Variants in TRPM2 observed in about 807,000 individuals in gnomAD.
TRPM2 encodes the protein estrogen-responsive element-associated gene 1 protein.
TRPM2 carries 161 observed loss-of-function variants against 174.0 expected under a neutral mutation model. That is an observed-to-expected ratio of 0.93 (90% CI 0.81 to 1.05). TRPM2 has a LOEUF of 1.05. Ranked by LOEUF, TRPM2 falls within the 50% of genes least tolerant of loss-of-function variation. The pLI is 0.00. For synonymous variants in TRPM2, 954 were observed against 861.3 expected (o/e 1.11, Z -1.88); for missense variants, 2,057 against 2,038.0 (o/e 1.01, Z -0.18).
Position 44,418,023 on chromosome 21 carries a change from GC to G in TRPM2, c.3249del (p.Phe1084SerfsTer16), listed in dbSNP as rs781655181. On this transcript the variant is annotated frameshift_variant, in exon 21 of 32. Transcript: ENST00000397928. LOFTEE classifies it high-confidence loss of function. ...EEYHGRPAAP[P>X]PFILLSHLQL... ...AGTACCACGGCCGCCCCGCCGCGCC[GC>G]CCCCCTTCATCCTCCTCAGCCACCT... is the stretch of plus-strand genomic sequence containing the variant. 7 of 1,612,776 alleles carry G rather than the reference GC, an allele frequency of 4.3e-6. No homozygotes were observed. The highest frequency in any genetic ancestry group is 5.9e-6 in the Non-Finnish European group (7 of 1,180,010).
rs1324196985 is a variant in TRPM2 at position 44,438,508 on chromosome 21, G to T, written c.4168-559G>T. Among the ~76,000 whole-genome samples the T allele has an allele frequency of 6.6e-6, 1 of 152,170 alleles. No individual in the cohort carries two copies. The highest frequency in any genetic ancestry group is 1.9e-4 in the East Asian group (1 of 5,186). On this transcript the variant is annotated intron_variant, in intron 29 of 31. Coordinates refer to ENST00000397928, the MANE Select transcript of TRPM2 (RefSeq NM_003307.4). This position sits in a 1 kb window ranked among gnomAD's most constrained non-coding sequence, Gnocchi z 5.9. ...TGCAAAGTCTTCATGAGAAACCCAC[G>T]GGTGTTTCAGTGGGACTTTGAATGA...
chr21:44,429,279 T>C (rs13049933), intron 27 of TRPM2, among the ~76,000 whole-genome samples: 1 of 19,298 alleles, frequency 5.2e-5, no homozygotes, highest in Admixed American at 4.7e-4. Flanking sequence ...TTTCTTTTTC[T>C]TTTTTTTTTT....
chr21:44,413,624 C>T (rs570403499), intron 19 of TRPM2, among the ~76,000 whole-genome samples: 2 of 152,314 alleles, frequency 1.3e-5, no homozygotes, highest in East Asian at 3.9e-4. Flanking sequence ...CCTGGCAGTG[C>T]CCTGGTGGGT....
Position 44,394,522 on chromosome 21 carries a change from C to T in TRPM2, c.1795-892C>T, listed in dbSNP as rs562047794. ...TTTTAGTAGAGATGGGGTTTCACTG[C>T]GTTAGCCAGGATGGTCTCGATCTCC... On this transcript the variant is annotated intron_variant, in intron 11 of 31. Transcript: ENST00000397928. Among the ~76,000 whole-genome samples, 275 of 151,408 alleles carry T rather than the reference C, an allele frequency of 1.8e-3. 1 individual carries two copies. The highest frequency in any genetic ancestry group is 6.9e-3 in the Middle Eastern group (2 of 290).
intron 28 of TRPM2, among the ~76,000 whole-genome samples, chr21:44,435,440 G>C (rs2051207017): frequency 6.6e-6 from 1 of 151,974 alleles, no homozygotes; most frequent in Non-Finnish European, 1.5e-5. Context: ...AAGATCCCAG[G>C]ACCCATCCCC....
rs1195312279 is a variant in TRPM2, at chr21:44,421,521, A to C, written c.3462-2124A>C. Reference sequence around the variant, plus strand: ...CACAGTGGCTCATGCTTGTAATCCCAACATTTTGGGAGGCTGAGGTGGGAG... The same window carrying C: ...CACAGTGGCTCATGCTTGTAATCCCCACATTTTGGGAGGCTGAGGTGGGAG... On this transcript the variant is annotated intron_variant, in intron 22 of 31. Coordinates refer to ENST00000397928, the MANE Select transcript of TRPM2 (RefSeq NM_003307.4). Among the ~76,000 whole-genome samples, 3 of 152,078 alleles carry C rather than the reference A, an allele frequency of 2.0e-5. No homozygotes were observed. In the East Asian group the frequency reaches 5.8e-4, roughly 29 times the overall value.
chr21:44,399,546 G>A lies in TRPM2; in HGVS notation c.2208+105G>A, dbSNP rs1445847658. ...GGCACGCACACTCACACAGGCTTCA[G>A]GGCCCTCAGCAGCTCGGGGACAGCG... On this transcript the variant is annotated intron_variant, in intron 14 of 31. Transcript: ENST00000397928. The surrounding 1 kb of genome is among the most constrained non-coding windows in gnomAD (Gnocchi z 4.6). 2 of 1,448,206 alleles carry A rather than the reference G, an allele frequency of 1.4e-6. No homozygotes were observed. The highest frequency in any genetic ancestry group is 1.4e-5 in the South Asian group (1 of 70,992). The allele number at this position is 1,448,206 out of a possible 1,614,324, so 89.7% of individuals were successfully genotyped here. A position where few individuals can be genotyped will look rare whatever the true frequency, so the allele number is the denominator to read the frequency against.
chr21:44,364,431 G>A (rs758174194), intron 3 of TRPM2, 149 bp downstream of exon 3: 110 of 933,604 alleles, frequency 1.2e-4, no homozygotes, highest in Admixed American at 2.1e-4. Flanking sequence ...GGGAAGCGGC[G>A]GGGAGGGGCT....
chr21:44,362,348 C>CAAAAAAAAAAAAA lies in TRPM2; in HGVS notation c.255-1761_255-1749dup, dbSNP rs57031573. ...TGAAACCCCGTCTCTACTAAAAATA[C>CAAAAAAAAAAAAA]AAAAAAAAAAAAAAAAAGCCAGATG... On this transcript the variant is annotated intron_variant, in intron 2 of 31. Transcript: ENST00000397928. Among the ~76,000 whole-genome samples, 27 of 89,250 alleles carry CAAAAAAAAAAAAA rather than the reference C, an allele frequency of 3.0e-4. 2 individuals are homozygous for CAAAAAAAAAAAAA. Among genetic ancestry groups the CAAAAAAAAAAAAA allele is most frequent in the African/African-American group, 6.2e-4 (15 of 24,292 alleles). 58.6% of individuals were successfully genotyped at this position (89,250 alleles called of 152,430 possible).
intron 27 of TRPM2, among the ~76,000 whole-genome samples, chr21:44,433,298 G>A (rs907848042): frequency 1.4e-4 from 22 of 152,244 alleles, no homozygotes; most frequent in Non-Finnish European, 2.8e-4. Flanking sequence ...CAGGCAGAGC[G>A]TGTGGCCTCC....
chr21:44,354,823 G>T lies in TRPM2; in HGVS notation c.254+87G>T. On this transcript the variant is annotated intron_variant, in intron 2 of 31. Coordinates refer to ENST00000397928, the MANE Select transcript of TRPM2 (RefSeq NM_003307.4). This position sits in a 1 kb window ranked among gnomAD's most constrained non-coding sequence, Gnocchi z 4.3. ...GCTGATCAGGCCAAGACCCCTCAGGGCCTCAGTGAAGGGTCACTGGAGATA... is the reference window on the plus strand; with the variant it reads ...GCTGATCAGGCCAAGACCCCTCAGGTCCTCAGTGAAGGGTCACTGGAGATA... 2 of 1,225,666 alleles carry T rather than the reference G, an allele frequency of 1.6e-6. No homozygotes were observed. Among genetic ancestry groups the T allele is most frequent in the Non-Finnish European group, 1.2e-6 (1 of 828,498 alleles). The allele number at this position is 1,225,666 out of a possible 1,614,324, so 75.9% of individuals were successfully genotyped here.
At chr21:44,405,544 C>A (rs939897433) in intron 17 of TRPM2, among the ~76,000 whole-genome samples, 1 of 152,174 alleles carries the variant, frequency 6.6e-6, no homozygotes, top group African/African-American at 2.4e-5. Flanking sequence ...TCCACGGACA[C>A]GCGGCTGCCG....
In TRPM2 at chr21:44,376,882, A is replaced by C. The variant is rs78892906; in HGVS notation, c.953-830A>C. Among the ~76,000 whole-genome samples the C allele has an allele frequency of 2.2e-3, 337 of 151,994 alleles. 2 individuals are homozygous for C. The highest frequency in any genetic ancestry group is 0.01 in the Middle Eastern group (3 of 294). The stretch of plus-strand genomic sequence containing the variant: ...TCCAGGTGGGCTGAGAACTTGCATT[A>C]GGAGCACGTTCCCTGGTGAGGGCGA... On this transcript the variant is annotated intron_variant, in intron 6 of 31. Coordinates refer to ENST00000397928, the MANE Select transcript of TRPM2 (RefSeq NM_003307.4). The surrounding 1 kb of genome is among the most constrained non-coding windows in gnomAD (Gnocchi z 4.2).
chr21:44,373,791 C>A (rs73374091), intron 5 of TRPM2, among the ~76,000 whole-genome samples: 1 of 152,088 alleles, frequency 6.6e-6, no homozygotes, highest in Non-Finnish European at 1.5e-5. Context: ...GAGATCTCTG[C>A]GGCTAAATCT....
intron 9 of TRPM2, among the ~76,000 whole-genome samples, chr21:44,385,130 T>C (rs1032665912): frequency 6.6e-6 from 1 of 152,190 alleles, no homozygotes; most frequent in Non-Finnish European, 1.5e-5. Flanking sequence ...TGGTTCAACA[T>C]ATGAAAATTA....
intron 27 of TRPM2, among the ~76,000 whole-genome samples, chr21:44,430,460 T>A (rs1186678421): frequency 1.3e-4 from 1 of 7,490 alleles, no homozygotes; most frequent in Non-Finnish European, 2.8e-4. Context: ...TCTCGCTCTG[T>A]CGCCCAGGCC....
At chr21:44,429,046 C>T (rs1449392465) in intron 27 of TRPM2, among the ~76,000 whole-genome samples, 1 of 152,178 alleles carries the variant, frequency 6.6e-6, no homozygotes, top group African/African-American at 2.4e-5. Context: ...CATGACAAAT[C>T]CATTGATAAG....
chr21:44,439,298 G>T lies in TRPM2; in HGVS notation c.4269+130G>T. ...GTCCCACCCAGCTTCACCAGGTGAC[G>T]GTGGTCCCAGCCCCTGCCCCCACGT... On this transcript the variant is annotated intron_variant, in intron 30 of 31. Coordinates refer to ENST00000397928, the MANE Select transcript of TRPM2 (RefSeq NM_003307.4). The surrounding 1 kb of genome is among the most constrained non-coding windows in gnomAD (Gnocchi z 5.1). 7 of 772,002 alleles carry T rather than the reference G, an allele frequency of 9.1e-6. No homozygotes were observed. Among genetic ancestry groups the T allele is most frequent in the Non-Finnish European group, 1.5e-5 (7 of 469,318 alleles). 47.8% of individuals were successfully genotyped at this position (772,002 alleles called of 1,614,324 possible).
intron 5 of TRPM2, among the ~76,000 whole-genome samples, chr21:44,374,606 T>G (rs2048641364): frequency 6.6e-6 from 1 of 152,118 alleles, no homozygotes; most frequent in Non-Finnish European, 1.5e-5. Context: ...TCATTAGGCA[T>G]TAGATTTTCG....
Sources: gnomAD v4.1 joint callset for allele counts (sites outside exome capture counted in the v4.1 genomes callset) on GRCh38, gnomAD v4.1.1 for gene constraint, Gnocchi (gnomAD v3.1) non-coding constraint, MANE v1.5 for transcripts, NCBI Gene and HGNC (gene_info 2026-07-23, HGNC 2026-07-21) for gene names.